The following MDM4 variants were observed in gnomAD, a reference collection of about 807,000 sequenced individuals.
MDM4 encodes protein Mdm4.
Under a neutral mutation model 60.2 loss-of-function variants are expected in MDM4, and 2 were observed. That is an observed-to-expected ratio of 0.03 (90% CI 0.01 to 0.10). The LOEUF is 0.10. Among genes scored for constraint, MDM4 ranks in the 10% least tolerant of loss-of-function variants. The pLI is 1.00. For missense variants in MDM4, 447 were observed against 577.5 expected (o/e 0.77, Z 2.32); for synonymous variants, 202 against 198.1 (o/e 1.02, Z -0.17).
chr1:204,545,353 G>A (rs565889876), intron 9 of MDM4, among the ~76,000 whole-genome samples: 1 of 152,282 alleles, frequency 6.6e-6, no homozygotes, highest in Admixed American at 6.5e-5. Context: ...CATATGGTAT[G>A]TACTCATGAA....
intron 5 of MDM4, chr1:204,532,913 C>T (rs905113402): frequency 4.1e-6 from 6 of 1,453,400 alleles, no homozygotes; most frequent in Non-Finnish European, 5.7e-6. Context: ...AATTTTTTGC[C>T]AAGAAAGCTT....
Position 204,549,372 on chromosome 1 carries a change from C to G in MDM4, c.1163C>G (p.Pro388Arg). 1 of 1,614,040 alleles carries G rather than the reference C, an allele frequency of 6.2e-7. No homozygotes were observed. The highest frequency in any genetic ancestry group is 8.5e-7 in the Non-Finnish European group (1 of 1,180,016). Residue 388 changes from proline (P) to arginine (R), a missense_variant, in exon 11 of 11, where the codon CCC becomes CGC. Coordinates refer to ENST00000367182, the MANE Select transcript of MDM4 (RefSeq NM_002393.5). ...IKKENSKLFD[P>R]CNSVEFLDLA... is the part of the protein sequence containing the mutation. ...AAAGAAAACTCCAAACTTTTTGATCCCTGCAACTCAGTGGAATTCTTGGAT... is the reference window on the plus strand; with the variant it reads ...AAAGAAAACTCCAAACTTTTTGATCGCTGCAACTCAGTGGAATTCTTGGAT...
intron 1 of MDM4, among the ~76,000 whole-genome samples, chr1:204,520,764 TA>T (rs1456463659): frequency 6.6e-6 from 1 of 152,090 alleles, no homozygotes; most frequent in Non-Finnish European, 1.5e-5. Context: ...TAGTCCCAGA[TA>T]ATCAGGAGAC....
chr1:204,558,042 T>C lies in MDM4; in HGVS notation c.*8360T>C, dbSNP rs556736868. The C allele has an allele frequency of 2.2e-5, 4 of 185,640 alleles. No individual in the cohort carries two copies. In the South Asian group the frequency reaches 7.8e-4, roughly 36 times the overall value. The allele number at this position is 185,640 out of a possible 1,614,324, so 11.5% of individuals were successfully genotyped here. ...ACCACTAAGTTAATAGCTCTGTCTT[T>C]TTGGTGTTTGCACTATGTAATGCTT... On this transcript the variant is annotated 3_prime_UTR_variant, in exon 11 of 11. Coordinates refer to ENST00000367182, the MANE Select transcript of MDM4 (RefSeq NM_002393.5).
At chr1:204,532,324 T>C in intron 5 of MDM4, 78 bp downstream of exon 5, 1 of 929,798 alleles carries the variant, frequency 1.1e-6, no homozygotes, top group Non-Finnish European at 1.8e-6. Context: ...ACAAAGAAGA[T>C]GAAGGTGGAA....
intron 1 of MDM4, among the ~76,000 whole-genome samples, chr1:204,521,858 A>T (rs1659599019): frequency 6.6e-6 from 1 of 152,224 alleles, no homozygotes; most frequent in Non-Finnish European, 1.5e-5. Context: ...TTACATAATA[A>T]ATAATTAAAA....
chr1:204,544,827 G>T, intron 9 of MDM4, 143 bp downstream of exon 9: 1 of 832,866 alleles, frequency 1.2e-6, no homozygotes, highest in Non-Finnish European at 1.8e-6. Flanking sequence ...CCAATTTTAA[G>T]ATTCACATTA....
At chr1:204,544,210 G>A (rs1003984175) in intron 8 of MDM4, among the ~76,000 whole-genome samples, 1 of 152,166 alleles carries the variant, frequency 6.6e-6, no homozygotes, top group Non-Finnish European at 1.5e-5. Flanking sequence ...CCTGTAGAAG[G>A]GAATTTAGGG....
At position 204,525,379 on chromosome 1, in the gene MDM4, A is replaced by G. The variant is rs190813841; in HGVS notation, c.-35-105A>G. 52 of 1,432,922 alleles carry G rather than the reference A, an allele frequency of 3.6e-5. No homozygotes were observed. In the East Asian group the frequency reaches 1.0e-3, roughly 29 times the overall value. The allele number at this position is 1,432,922 out of a possible 1,614,324, so 88.8% of individuals were successfully genotyped here. Reference sequence around the variant, plus strand: ...GCATTTGTGTACGGTGCTCCATTATATGTGTCATATGTGTCTTTTACTTCT... The same window carrying G: ...GCATTTGTGTACGGTGCTCCATTATGTGTGTCATATGTGTCTTTTACTTCT... On this transcript the variant is annotated intron_variant, in intron 1 of 10. Coordinates refer to ENST00000367182, the MANE Select transcript of MDM4 (RefSeq NM_002393.5).
At chr1:204,546,981 G>A in intron 10 of MDM4, 104 bp downstream of exon 10, 1 of 634,678 alleles carries the variant, frequency 1.6e-6, no homozygotes. Context: ...CCTCATTTCT[G>A]TCTCCCTTGC....
At chr1:204,546,477 A>G (rs561654654) in intron 9 of MDM4, among the ~76,000 whole-genome samples, 2 of 152,294 alleles carry the variant, frequency 1.3e-5, no homozygotes, top group African/African-American at 4.8e-5. Context: ...TGCTGAAATT[A>G]TAGGCACCTG....
Position 204,551,371 on chromosome 1 carries a change from GA to G in MDM4, c.*1690del, listed in dbSNP as rs1663183921. 1 of 220,204 alleles carries G rather than the reference GA, an allele frequency of 4.5e-6. No individual in the cohort carries two copies. Among genetic ancestry groups the G allele is most frequent in the African/African-American group, 2.3e-5 (1 of 43,256 alleles). 13.6% of individuals were successfully genotyped at this position (220,204 alleles called of 1,614,324 possible). On this transcript the variant is annotated 3_prime_UTR_variant, in exon 11 of 11. Transcript: ENST00000367182. ...CTCTTTGCGTCTTAGGAGTCATTTA[GA>G]TTTTTTTTGATCCTTTTGTTTAGTG... is the stretch of plus-strand genomic sequence containing the variant.
intron 3 of MDM4, chr1:204,528,783 C>T: frequency 2.0e-6 from 2 of 1,004,762 alleles, no homozygotes; most frequent in Admixed American, 2.0e-5. Flanking sequence ...CCACGTACTT[C>T]TGTCACTCTA....
chr1:204,546,898 C>G, intron 10 of MDM4, 21 bp downstream of exon 10: 1 of 1,457,166 alleles, frequency 6.9e-7, no homozygotes, highest in Non-Finnish European at 9.6e-7. Flanking sequence ...TTAGCAAGAA[C>G]TATTTTGCAC....
chr1:204,522,540 G>A (rs1196518586), intron 1 of MDM4, among the ~76,000 whole-genome samples: 3 of 151,168 alleles, frequency 2.0e-5, no homozygotes, highest in Non-Finnish European at 4.4e-5. Flanking sequence ...TGGGACTACA[G>A]GCGTGTGCCA....
intron 4 of MDM4, among the ~76,000 whole-genome samples, chr1:204,531,854 C>T (rs1428356511): frequency 6.6e-6 from 1 of 152,026 alleles, no homozygotes; most frequent in Non-Finnish European, 1.5e-5. Flanking sequence ...GACTCCCCTC[C>T]ACCCCCACTT....
At chr1:204,536,045 A>G (rs570875588) in intron 5 of MDM4, among the ~76,000 whole-genome samples, 1 of 151,820 alleles carries the variant, frequency 6.6e-6, no homozygotes, top group South Asian at 2.1e-4. Context: ...GTGGATCACA[A>G]AGTCAGGAGT....
chr1:204,547,351 A>G (rs1662765745), intron 10 of MDM4, among the ~76,000 whole-genome samples: 2 of 152,230 alleles, frequency 1.3e-5, no homozygotes, highest in Non-Finnish European at 2.9e-5. Context: ...ACTATTAAAG[A>G]AGACTTGATA....
At chr1:204,530,566 A>G (rs1470729003) in intron 3 of MDM4, 118 bp from the exon 4 acceptor site, 2 of 1,332,402 alleles carry the variant, frequency 1.5e-6, no homozygotes, top group Non-Finnish European at 2.1e-6. Context: ...AAACTTTGAC[A>G]GTCTTGTAAA....
Sources: gnomAD v4.1 joint callset for allele counts (sites outside exome capture counted in the v4.1 genomes callset) on GRCh38, gnomAD v4.1.1 for gene constraint, MANE v1.5 for transcripts, NCBI Gene and HGNC (gene_info 2026-07-23, HGNC 2026-07-21) for gene names.